TDRD3: variants seen among roughly 807,000 people sequenced by gnomAD.
TDRD3 encodes the protein tudor domain-containing protein 3.
A neutral mutation model predicts 86.7 loss-of-function variants in TDRD3; 45 were observed. The observed-to-expected ratio is 0.52, with a 90% CI of 0.41 to 0.67. The LOEUF (loss-of-function observed/expected upper bound fraction) is 0.67. Ranked by LOEUF, TDRD3 falls within the 30% of genes least tolerant of loss-of-function variation. The pLI, the probability that TDRD3 is intolerant of heterozygous loss-of-function variation, is 0.00. For synonymous variants in TDRD3, 298 were observed against 301.7 expected (o/e 0.99, Z 0.13); for missense variants, 814 against 889.0 (o/e 0.92, Z 1.07).
At chr13:60,546,829 C>T (rs1244476342) in intron 12 of TDRD3, among the ~76,000 whole-genome samples, 2 of 152,002 alleles carry the variant, frequency 1.3e-5, no homozygotes, top group African/African-American at 4.8e-5. Context: ...GAGTGTATTT[C>T]CTCTTAATTA....
At chr13:60,573,241 G>C (rs1205894747) in intron 13 of TDRD3, among the ~76,000 whole-genome samples, 1 of 152,122 alleles carries the variant, frequency 6.6e-6, no homozygotes, top group Non-Finnish European at 1.5e-5. Context: ...AGAAGAACTG[G>C]AGGCGGTTAG....
At position 60,412,420 on chromosome 13, in the gene TDRD3, G is replaced by C. The variant is rs960749618; in HGVS notation, c.41+15015G>C. On this transcript the variant is annotated intron_variant, in intron 1 of 13. Transcript: ENST00000377881. ...CACTTATTTTTAGTGATAATCTTACGTTTGTAAGGACTTTTCAGCTTGAAA... is the reference window on the plus strand; with the variant it reads ...CACTTATTTTTAGTGATAATCTTACCTTTGTAAGGACTTTTCAGCTTGAAA... 4.6e-5 allele frequency among the ~76,000 whole-genome samples: 7 copies of C among 151,852 alleles called. No individual in the cohort carries two copies. In the South Asian group the frequency reaches 6.2e-4, roughly 13 times the overall value.
intron 1 of TDRD3, among the ~76,000 whole-genome samples, chr13:60,402,758 C>T (rs971966551): frequency 4.4e-5 from 6 of 136,076 alleles, no homozygotes; most frequent in African/African-American, 8.5e-5. Flanking sequence ...AGTGCAATGG[C>T]GCGATCTTGG....
At chr13:60,473,179 T>C (rs958825180) in intron 5 of TDRD3, among the ~76,000 whole-genome samples, 9 of 152,188 alleles carry the variant, frequency 5.9e-5, no homozygotes, top group African/African-American at 2.2e-4. Flanking sequence ...AGTAAGCATG[T>C]GAGACAGAGA....
chr13:60,483,854 C>CT lies in TDRD3; in HGVS notation c.567+12dup. 1 of 1,610,906 alleles carries CT rather than the reference C, an allele frequency of 6.2e-7. No homozygotes were observed. ...TTTGTGCCTTTTGGACAGGTAATGA[C>CT]TTTTGTGTTGGCAGATGAATTTAAA... On this transcript the variant is annotated intron_variant, in intron 6 of 13. Coordinates refer to ENST00000377881, the MANE Select transcript of TDRD3 (RefSeq NM_001146070.2).
intron 1 of TDRD3, among the ~76,000 whole-genome samples, chr13:60,428,313 TTCCCAGGCATTAG>T (rs1954861966): frequency 6.6e-6 from 1 of 151,688 alleles, no homozygotes; most frequent in South Asian, 2.1e-4. Context: ...CATTCACAGA[TTCCCAGGCATTAG>T]GACATAAGCA....
chr13:60,442,250 C>T (rs978778762), intron 2 of TDRD3, among the ~76,000 whole-genome samples: 3 of 152,050 alleles, frequency 2.0e-5, no homozygotes, highest in Non-Finnish European at 4.4e-5. Context: ...TTACTGATCA[C>T]TATCCATTAG....
chr13:60,518,867 C>G (rs1157664852), intron 10 of TDRD3, among the ~76,000 whole-genome samples: 1 of 151,984 alleles, frequency 6.6e-6, no homozygotes, highest in African/African-American at 2.4e-5. Flanking sequence ...TCCTTTTAGC[C>G]CACAGTTTTA....
intron 3 of TDRD3, among the ~76,000 whole-genome samples, chr13:60,447,228 G>T (rs981828976): frequency 6.6e-6 from 1 of 152,144 alleles, no homozygotes; most frequent in Non-Finnish European, 1.5e-5. Context: ...AGGAGGCATG[G>T]TTGTGGCATG....
intron 10 of TDRD3, among the ~76,000 whole-genome samples, chr13:60,512,971 C>G (rs1386383383): frequency 2.0e-5 from 3 of 152,218 alleles, no homozygotes; most frequent in Non-Finnish European, 4.4e-5. Context: ...GACTCTGACT[C>G]CACATTTCCC....
At chr13:60,469,455 C>T (rs1223668281) in intron 5 of TDRD3, among the ~76,000 whole-genome samples, 7 of 151,760 alleles carry the variant, frequency 4.6e-5, no homozygotes, top group South Asian at 2.1e-4. Context: ...CACACACACA[C>T]GGAGTTTAGT....
At chr13:60,405,049 G>T (rs1035412001) in intron 1 of TDRD3, among the ~76,000 whole-genome samples, 4 of 152,204 alleles carry the variant, frequency 2.6e-5, no homozygotes, top group East Asian at 1.9e-4. Context: ...TGATTGTGAG[G>T]CCTCCCCAGC....
intron 5 of TDRD3, among the ~76,000 whole-genome samples, chr13:60,480,641 T>C (rs377032952): frequency 6.6e-6 from 1 of 152,242 alleles, no homozygotes; most frequent in East Asian, 1.9e-4. Context: ...GTATGTTTGG[T>C]CTCTTTACAT....
chr13:60,489,798 A>T (rs1331160586), intron 7 of TDRD3, among the ~76,000 whole-genome samples: 4 of 152,026 alleles, frequency 2.6e-5, no homozygotes, highest in Non-Finnish European at 5.9e-5. Context: ...AAATATATTT[A>T]TTTTTTTCCA....
rs753352621 is a variant in TDRD3, at chr13:60,483,861, G to T, written c.567+15G>T. The T allele has an allele frequency of 1.9e-6, 3 of 1,609,818 alleles. No individual in the cohort carries two copies. The highest frequency in any genetic ancestry group is 1.1e-5 in the South Asian group (1 of 90,212). On this transcript the variant is annotated intron_variant, in intron 6 of 13. Transcript: ENST00000377881. ...CTTTTGGACAGGTAATGACTTTTGT[G>T]TTGGCAGATGAATTTAAATTAGGAA...
At chr13:60,534,927 C>CA (rs75394722) in intron 11 of TDRD3, among the ~76,000 whole-genome samples, 181 bp from the exon 12 acceptor site, 9,289 of 54,130 alleles carry the variant, frequency 0.17, 525 homozygotes, top group African/African-American at 0.22. Flanking sequence ...GACCCTGTCT[C>CA]AAAAAAAAAA....
chr13:60,503,109 A>C (rs1290175027), intron 8 of TDRD3, among the ~76,000 whole-genome samples: 1 of 152,216 alleles, frequency 6.6e-6, no homozygotes, highest in Non-Finnish European at 1.5e-5. Flanking sequence ...TATTCTAAGA[A>C]AAATAAAAAA....
At chr13:60,396,338 G>A (rs1433270476), upstream of TDRD3, 1 of 152,264 alleles carries the variant, frequency 6.6e-6, no homozygotes, top group Non-Finnish European at 1.5e-5. Flanking sequence ...GCGCCTCTTG[G>A]GCCCGCGTAC....
At position 60,404,286 on chromosome 13, in the gene TDRD3, T is replaced by TTTG. The variant is rs1363307564; in HGVS notation, c.41+6894_41+6896dup. Among the ~76,000 whole-genome samples, 3 of 152,132 alleles carry TTTG rather than the reference T, an allele frequency of 2.0e-5. No homozygotes were observed. In the East Asian group the frequency reaches 5.8e-4, roughly 29 times the overall value. ...GCACTCATTCAACAAATAATTCGTTTTTGTTGTTGTTGTTGGTTTGTTTGC... is the reference window on the plus strand; with the variant it reads ...GCACTCATTCAACAAATAATTCGTTTTTGTTGTTGTTGTTGTTGGTTTGTTTGC... On this transcript the variant is annotated intron_variant, in intron 1 of 13. Coordinates refer to ENST00000377881, the MANE Select transcript of TDRD3 (RefSeq NM_001146070.2).
Sources: allele counts gnomAD v4.1 joint callset (sites outside exome capture counted in the v4.1 genomes callset), GRCh38; gene constraint gnomAD v4.1.1; transcripts MANE v1.5; gene names NCBI Gene and HGNC (gene_info 2026-07-23, HGNC 2026-07-21).